MAPK6: variants seen among roughly 807,000 people sequenced by gnomAD.
The protein encoded by MAPK6 is ERK-3.
In MAPK6, 19 loss-of-function variants were observed where a neutral mutation model predicts 59.3. The ratio of observed to expected loss-of-function variants is 0.32; its 90% CI spans 0.22 to 0.47. The LOEUF is 0.47. Among genes scored for constraint, MAPK6 ranks in the 20% least tolerant of loss-of-function variants. MAPK6 has a pLI of 1.00. For missense variants in MAPK6, 724 were observed against 847.9 expected (o/e 0.85, Z 1.81); for synonymous variants, 316 against 290.3 (o/e 1.09, Z -0.90).
intron 2 of MAPK6, 142 bp downstream of exon 2, chr15:52,047,157 T>G (rs765384719): frequency 3.0e-5 from 15 of 495,224 alleles, no homozygotes; most frequent in Admixed American, 7.5e-5. Context: ...GAAACAAGTC[T>G]CTCTGTTTGA....
chr15:52,027,349 C>CCAAAAAAAAA (rs2030834749), intron 1 of MAPK6, among the ~76,000 whole-genome samples: 1 of 49,170 alleles, frequency 2.0e-5, no homozygotes, highest in African/African-American at 8.5e-5. Context: ...GACTCCCTCT[C>CCAAAAAAAAA]AAAAAAAAAA....
rs1254524993 is a variant in MAPK6 at position 52,047,031 on chromosome 15, C to T, written c.555+16C>T. 2.0e-6 allele frequency: 3 copies of T among 1,505,622 alleles called. No individual in the cohort carries two copies. Among genetic ancestry groups the T allele is most frequent in the South Asian group, 1.4e-5 (1 of 71,122 alleles). 93.3% of individuals were successfully genotyped at this position (1,505,622 alleles called of 1,614,324 possible). Reference sequence around the variant, plus strand: ...TTCCCATAAGGTATGTATAGAAAGCCAGCTGAGACAGATCTTTAAACTGAT... The same window carrying T: ...TTCCCATAAGGTATGTATAGAAAGCTAGCTGAGACAGATCTTTAAACTGAT... On this transcript the variant is annotated intron_variant, in intron 2 of 5. Coordinates refer to ENST00000261845, the MANE Select transcript of MAPK6 (RefSeq NM_002748.4).
chr15:52,033,392 A>T (rs903989868), intron 1 of MAPK6, among the ~76,000 whole-genome samples: 6 of 152,254 alleles, frequency 3.9e-5, no homozygotes, highest in African/African-American at 1.4e-4. Context: ...GTGGAAGAAG[A>T]TGGGATAAGC....
At chr15:52,022,420 CTGGCTAGTTTTTCGTATTTTT>C (rs2030571123) in intron 1 of MAPK6, among the ~76,000 whole-genome samples, 1 of 152,084 alleles carries the variant, frequency 6.6e-6, no homozygotes, top group African/African-American at 2.4e-5. Context: ...GCGACCATGC[CTGGCTAGTTTTTCGTATTTTT>C]TGTAGAGATG....
intron 5 of MAPK6, among the ~76,000 whole-genome samples, chr15:52,063,428 T>G (rs574449410): frequency 6.6e-6 from 1 of 152,306 alleles, no homozygotes; most frequent in East Asian, 1.9e-4. Context: ...TGATTATACA[T>G]GTCAGTAATA....
At chr15:52,061,784 T>C (rs1596014424) in intron 5 of MAPK6, among the ~76,000 whole-genome samples, 1 of 152,118 alleles carries the variant, frequency 6.6e-6, no homozygotes, top group South Asian at 2.1e-4. Flanking sequence ...AAGAAAAATT[T>C]AGTAATGGTC....
intron 3 of MAPK6, 94 bp downstream of exon 3, chr15:52,050,231 G>A (rs1490795320): frequency 8.8e-7 from 1 of 1,140,106 alleles, no homozygotes; most frequent in African/African-American, 1.6e-5. Context: ...AAAATAATTT[G>A]TTATGATCTG....
At chr15:51,984,688 G>C (rs1253892330) in intron 2 of MAPK6, among the ~76,000 whole-genome samples, 3 of 151,854 alleles carry the variant, frequency 2.0e-5, no homozygotes, top group Non-Finnish European at 4.4e-5. Context: ...CAGTTCTCCG[G>C]GGGGGAAGAA....
intron 3 of MAPK6, among the ~76,000 whole-genome samples, chr15:52,009,772 AT>A (rs1043030586): frequency 1.0e-4 from 15 of 150,436 alleles, no homozygotes; most frequent in Non-Finnish European, 1.6e-4. Context: ...TATTTAAGCA[AT>A]TTTTTTTTTC....
upstream of MAPK6, among the ~76,000 whole-genome samples, chr15:52,015,193 G>A (rs931639104): frequency 2.0e-5 from 3 of 151,942 alleles, no homozygotes; most frequent in African/African-American, 7.3e-5. Context: ...TAGAGATGGG[G>A]TTTCACCATG....
chr15:52,042,317 G>A (rs2031448697), intron 1 of MAPK6, among the ~76,000 whole-genome samples: 1 of 152,206 alleles, frequency 6.6e-6, no homozygotes, highest in Non-Finnish European at 1.5e-5. Flanking sequence ...ATTACAGTTT[G>A]TTTTATAAAT....
At chr15:51,982,279 C>T (rs59391908) in intron 1 of MAPK6, among the ~76,000 whole-genome samples, 11,802 of 152,210 alleles carry the variant, frequency 0.078, 947 homozygotes, top group Admixed American at 0.18. Flanking sequence ...ATCTCGTCGG[C>T]GGGTGGGGAC....
rs1289291339 is a variant in MAPK6, at chr15:52,064,432, G to C, written c.1598G>C (p.Gly533Ala). ...QGFDFDSFIA[G>A]TIQLSSQHEP... ...TTTGATTTTGATTCCTTTATTGCAGGAACTATTCAGCTTAGTTCCCAGCAT... is the reference window on the plus strand; with the variant it reads ...TTTGATTTTGATTCCTTTATTGCAGCAACTATTCAGCTTAGTTCCCAGCAT... Residue 533 changes from glycine to alanine, a missense_variant, in exon 6 of 6, where the codon GGA becomes GCA. Around this residue, in one of 4 missense-constraint regions of MAPK6, gnomAD observed 502 missense variants for 507.6 expected, o/e 0.99. Transcript: ENST00000261845. The C allele has an allele frequency of 6.2e-7, 1 of 1,611,562 alleles. No homozygotes were observed. Among genetic ancestry groups the C allele is most frequent in the Admixed American group, 1.7e-5 (1 of 59,966 alleles).
chr15:52,054,464 C>G (rs148035246), intron 3 of MAPK6, among the ~76,000 whole-genome samples: 148 of 152,204 alleles, frequency 9.7e-4, no homozygotes, highest in East Asian at 8.3e-3. Flanking sequence ...GATTCTTTCC[C>G]CACTGAATTA....
chr15:52,004,970 G>A (rs543608527), intron 3 of MAPK6, among the ~76,000 whole-genome samples: 1 of 152,326 alleles, frequency 6.6e-6, no homozygotes, highest in Admixed American at 6.5e-5. Flanking sequence ...GGCAGAGACT[G>A]TGTTTGACCT....
intron 1 of MAPK6, among the ~76,000 whole-genome samples, chr15:52,039,776 C>T (rs532385368): frequency 6.6e-6 from 1 of 152,166 alleles, no homozygotes; most frequent in South Asian, 2.1e-4. Flanking sequence ...CTTGGACTCC[C>T]AAAGTGCTAG....
In MAPK6 at chr15:52,046,907, GCA is replaced by G. The variant is rs772099610; in HGVS notation, c.450_451del (p.His150GlnfsTer7). The G allele has an allele frequency of 1.2e-6, 2 of 1,613,792 alleles. No individual in the cohort carries two copies. Among genetic ancestry groups the G allele is most frequent in the Non-Finnish European group, 1.7e-6 (2 of 1,179,912 alleles). The stretch of plus-strand genomic sequence containing the variant: ...AGTATATTCACTCTGCAAATGTACT[GCA>G]CAGAGATCTCAAACCAGCTAATCTT... ...LKYIHSANVL[H>X]RDLKPANLFI... On this transcript the variant is annotated frameshift_variant, in exon 2 of 6. Coordinates refer to ENST00000261845, the MANE Select transcript of MAPK6 (RefSeq NM_002748.4). LOFTEE classifies it high-confidence loss of function.
chr15:52,038,003 C>A (rs545048126), intron 1 of MAPK6, among the ~76,000 whole-genome samples: 2 of 151,930 alleles, frequency 1.3e-5, no homozygotes, highest in East Asian at 1.9e-4. Context: ...TGAAGAATCA[C>A]ATTAGATTAG....
At chr15:52,056,932 TGTCTAA>T in intron 3 of MAPK6, 1 of 152,270 alleles carries the variant, frequency 6.6e-6, no homozygotes, top group Non-Finnish European at 1.5e-5. Context: ...TCCACTCAGA[TGTCTAA>T]TAACAAAGTT....
Sources: allele counts gnomAD v4.1 joint callset (sites outside exome capture counted in the v4.1 genomes callset), GRCh38; gene constraint gnomAD v4.1.1; regional missense constraint gnomAD v4.1.1; transcripts MANE v1.5; gene names NCBI Gene and HGNC (gene_info 2026-07-23, HGNC 2026-07-21).